Variants in DOCK3 observed in about 807,000 individuals in gnomAD.
The protein encoded by DOCK3 is dedicator of cytokinesis 3.
Under a neutral mutation model 265.6 loss-of-function variants are expected in DOCK3, and 60 were observed. That is an observed-to-expected ratio of 0.23 (90% CI 0.18 to 0.28). The LOEUF (loss-of-function observed/expected upper bound fraction) is 0.28, where lower values mean the gene tolerates loss of function less well. Ranked by LOEUF, DOCK3 falls within the 10% of genes least tolerant of loss-of-function variation. The pLI, the probability that DOCK3 is intolerant of heterozygous loss-of-function variation, is 1.00. For synonymous variants in DOCK3, 881 were observed against 938.0 expected, an observed-to-expected ratio of 0.94 and a Z score of 1.11; for missense variants, 1,981 against 2,594.3, an observed-to-expected ratio of 0.76 and a Z score of 5.14.
At chr3:50,850,379 C>A (rs975636219) in intron 3 of DOCK3, among the ~76,000 whole-genome samples, 1 of 150,352 alleles carries the variant, frequency 6.7e-6, no homozygotes, top group Admixed American at 6.7e-5. Flanking sequence ...AAAAAAGTTT[C>A]TTTGTGTTGA....
intron 22 of DOCK3, among the ~76,000 whole-genome samples, chr3:51,259,666 A>AG (rs1235032975): frequency 2.0e-5 from 3 of 152,198 alleles, no homozygotes; most frequent in Non-Finnish European, 2.9e-5. Context: ...CTGGTGAAAA[A>AG]GGAGGAACTG....
In DOCK3 at chr3:50,758,190, A is replaced by G. The variant is rs1474762484; in HGVS notation, c.38-20485A>G. 4.3e-5 allele frequency among the ~76,000 whole-genome samples: 6 copies of G among 138,324 alleles called. 1 individual carries two copies. The highest frequency in any genetic ancestry group is 2.2e-4 in the Admixed American group (3 of 13,496). 90.7% of individuals were successfully genotyped at this position (138,324 alleles called of 152,430 possible). On this transcript the variant is annotated intron_variant, in intron 1 of 52. Transcript: ENST00000266037. ...GAGACTCTGTCTCAAAAAAAAAAAA[A>G]AAAAAAGAAAAAAAAAAAGAAAATT...
At chr3:50,734,537 C>A (rs1477679708) in intron 1 of DOCK3, among the ~76,000 whole-genome samples, 3 of 151,562 alleles carry the variant, frequency 2.0e-5, no homozygotes, top group Admixed American at 6.6e-5. Context: ...ACAACTGTAA[C>A]TTCTCTCCCC....
chr3:51,047,528 AAGAG>A (rs1360185543), intron 5 of DOCK3, among the ~76,000 whole-genome samples: 1 of 152,102 alleles, frequency 6.6e-6, no homozygotes, highest in Non-Finnish European at 1.5e-5. Flanking sequence ...AGACTAAGAA[AAGAG>A]AGAGAAGACT....
intron 30 of DOCK3, 26 bp from the exon 31 acceptor site, chr3:51,312,818 G>A: frequency 6.2e-7 from 1 of 1,602,480 alleles, no homozygotes; most frequent in Non-Finnish European, 8.5e-7. Flanking sequence ...CCCACTAACG[G>A]TTGGCTCCTG....
intron 22 of DOCK3, among the ~76,000 whole-genome samples, chr3:51,248,032 G>A (rs1203942921): frequency 6.6e-6 from 1 of 152,162 alleles, no homozygotes; most frequent in African/African-American, 2.4e-5. Flanking sequence ...AAAATCATTC[G>A]TTTAATCATT....
chr3:51,249,628 C>T (rs1276078807), intron 22 of DOCK3, among the ~76,000 whole-genome samples: 2 of 77,294 alleles, frequency 2.6e-5, no homozygotes, highest in South Asian at 5.4e-4. Context: ...CCCGGCCAGC[C>T]GTCCCGTCCG....
In DOCK3 at chr3:51,339,034, T is replaced by C; in HGVS notation, c.3766+6T>C. The stretch of plus-strand genomic sequence containing the variant: ...GCAGGCCGAAAACTACACAGGTAAG[T>C]GGGGAGAAGAGAGAGCCATGCCTGA... On this transcript the variant is annotated splice_donor_region_variant and intron_variant, in intron 37 of 52. Transcript: ENST00000266037. 1 of 1,579,964 alleles carries C rather than the reference T, an allele frequency of 6.3e-7. No homozygotes were observed. Among genetic ancestry groups the C allele is most frequent in the Non-Finnish European group, 8.6e-7 (1 of 1,164,278 alleles).
At chr3:50,803,878 C>T (rs561077300) in intron 2 of DOCK3, among the ~76,000 whole-genome samples, 46 of 151,020 alleles carry the variant, frequency 3.0e-4, no homozygotes, top group African/African-American at 8.8e-4. Context: ...GCTGGCCGGG[C>T]GGGGGCTGTC....
chr3:50,906,223 T>G (rs564490168), intron 4 of DOCK3, among the ~76,000 whole-genome samples: 1 of 152,192 alleles, frequency 6.6e-6, no homozygotes, highest in South Asian at 2.1e-4. Flanking sequence ...TCTAAAATTC[T>G]CTTTTTTTGC....
intron 23 of DOCK3, among the ~76,000 whole-genome samples, chr3:51,267,664 G>A (rs555273062): frequency 5.9e-5 from 9 of 152,168 alleles, no homozygotes; most frequent in East Asian, 3.9e-4. Context: ...GGGATTACAC[G>A]CATGAGCCAC....
At chr3:50,992,309 T>C (rs559768666) in intron 5 of DOCK3, among the ~76,000 whole-genome samples, 1 of 152,186 alleles carries the variant, frequency 6.6e-6, no homozygotes, top group Non-Finnish European at 1.5e-5. Context: ...GAGTTTTGTT[T>C]TGTTTTGAGA....
chr3:50,797,591 G>A (rs1412909193), intron 2 of DOCK3, among the ~76,000 whole-genome samples: 1 of 152,156 alleles, frequency 6.6e-6, no homozygotes, highest in Non-Finnish European at 1.5e-5. Flanking sequence ...TATTTTTGAG[G>A]CACCTCCGTA....
At chr3:50,889,926 T>C in intron 3 of DOCK3, 100 bp from the exon 4 acceptor site, 3 of 922,396 alleles carry the variant, frequency 3.3e-6, no homozygotes, top group Non-Finnish European at 4.5e-6. Flanking sequence ...GCAGGAGATC[T>C]ACTATGTTTC....
intron 5 of DOCK3, among the ~76,000 whole-genome samples, chr3:50,958,983 C>T (rs2076809093): frequency 6.6e-6 from 1 of 152,154 alleles, no homozygotes; most frequent in African/African-American, 2.4e-5. Context: ...AGTCAATTTA[C>T]AAAGTAGGGC....
intron 9 of DOCK3, among the ~76,000 whole-genome samples, chr3:51,111,131 A>G (rs1213352722): frequency 5.9e-5 from 9 of 152,222 alleles, no homozygotes; most frequent in Admixed American, 5.2e-4. Context: ...CAAGGAGGTG[A>G]GAGATCTCTA....
chr3:51,293,129 T>C (rs1384925564), intron 27 of DOCK3, among the ~76,000 whole-genome samples: 1 of 151,898 alleles, frequency 6.6e-6, no homozygotes, highest in Non-Finnish European at 1.5e-5. Flanking sequence ...AAAACAATCC[T>C]AAAATGTGTA....
At chr3:51,031,703 G>A (rs1209518202) in intron 5 of DOCK3, among the ~76,000 whole-genome samples, 1 of 152,068 alleles carries the variant, frequency 6.6e-6, no homozygotes, top group Admixed American at 6.6e-5. Flanking sequence ...AATTCATGTC[G>A]AAACTTAAGC....
intron 27 of DOCK3, among the ~76,000 whole-genome samples, chr3:51,283,849 AT>A (rs1449021961): frequency 6.6e-6 from 1 of 152,112 alleles, no homozygotes; most frequent in Non-Finnish European, 1.5e-5. Flanking sequence ...GTGGTTTCGT[AT>A]GGGCATGTAA....
Sources: gnomAD v4.1 joint callset for allele counts (sites outside exome capture counted in the v4.1 genomes callset) on GRCh38, gnomAD v4.1.1 for gene constraint, MANE v1.5 for transcripts, NCBI Gene and HGNC (gene_info 2026-07-23, HGNC 2026-07-21) for gene names.